The following CPS1 variants were observed in gnomAD, a reference collection of about 807,000 sequenced individuals.
The protein encoded by CPS1 is carbamoyl-phosphate synthase [ammonia], mitochondrial.
A neutral mutation model predicts 174.6 loss-of-function variants in CPS1; 109 were observed. The observed-to-expected ratio is 0.62, with a 90% CI of 0.53 to 0.73. CPS1 has a LOEUF of 0.73. Among genes scored for constraint, CPS1 ranks in the 30% least tolerant of loss-of-function variants. CPS1 has a pLI of 0.00. For synonymous variants in CPS1, 637 were observed against 632.0 expected (o/e 1.01, Z -0.12); for missense variants, 1,689 against 1,821.9 (o/e 0.93, Z 1.33).
At chr2:210,552,064 T>G (rs1313345261), upstream of CPS1, among the ~76,000 whole-genome samples, 1 of 151,920 alleles carries the variant, frequency 6.6e-6, no homozygotes, top group East Asian at 1.9e-4. Flanking sequence ...GTGTTCCTTG[T>G]TATGATACTA....
At chr2:210,601,520 C>A (rs1259909217) in intron 15 of CPS1, among the ~76,000 whole-genome samples, 1 of 151,924 alleles carries the variant, frequency 6.6e-6, no homozygotes, top group Non-Finnish European at 1.5e-5. Context: ...CTCTGCTGCA[C>A]AATTTGGGAA....
chr2:210,593,543 T>C (rs1004115630), intron 11 of CPS1: 8 of 985,788 alleles, frequency 8.1e-6, no homozygotes, highest in Non-Finnish European at 8.4e-6. Flanking sequence ...TAGTTCATTG[T>C]TCAAACCCAT....
At chr2:210,517,538 A>C (rs1695714333) in intron 1 of CPS1, among the ~76,000 whole-genome samples, 1 of 151,980 alleles carries the variant, frequency 6.6e-6, no homozygotes, top group Non-Finnish European at 1.5e-5. Context: ...GAGGGAAATC[A>C]ATGTGGCTTT....
intron 1 of CPS1, among the ~76,000 whole-genome samples, chr2:210,536,018 C>T (rs1037314358): frequency 2.6e-5 from 4 of 151,974 alleles, no homozygotes; most frequent in Non-Finnish European, 5.9e-5. Flanking sequence ...AGATTACATC[C>T]AGATGCACTC....
intron 1 of CPS1, among the ~76,000 whole-genome samples, chr2:210,551,375 A>G (rs560970242): frequency 6.6e-6 from 1 of 152,132 alleles, no homozygotes; most frequent in South Asian, 2.1e-4. Flanking sequence ...GCAAATGTGT[A>G]TGCACATAAC....
chr2:210,593,182 G>T lies in CPS1; in HGVS notation c.1164+226G>T, dbSNP rs73073575. On this transcript the variant is annotated intron_variant, in intron 11 of 37. Transcript: ENST00000233072. ...GGAAAGCCCTTAAGAAACCCGAAGC[G>T]ATGGTATTTTTATTTAAACCCATTA... Among the ~76,000 whole-genome samples the T allele has an allele frequency of 0.015, 2,349 of 151,980 alleles. 62 individuals are homozygous for T. Among genetic ancestry groups the T allele is most frequent in the African/African-American group, 0.054 (2,236 of 41,474 alleles).
At chr2:210,660,294 G>C (rs1359495960) in intron 31 of CPS1, among the ~76,000 whole-genome samples, 191 bp from the exon 32 acceptor site, 1 of 152,142 alleles carries the variant, frequency 6.6e-6, no homozygotes, top group Non-Finnish European at 1.5e-5. Context: ...ATGAAAGAAA[G>C]TTAGAGTTCA....
At chr2:210,517,022 A>G (rs1386692288) in intron 1 of CPS1, among the ~76,000 whole-genome samples, 2 of 151,746 alleles carry the variant, frequency 1.3e-5, no homozygotes, top group Non-Finnish European at 1.5e-5. Context: ...ATATATGTCT[A>G]TTGGTGCTGA....
Position 210,637,669 on chromosome 2 carries a change from A to G in CPS1, c.2688-33A>G, listed in dbSNP as rs562121624. 6.3e-5 allele frequency: 102 copies of G among 1,612,886 alleles called. 1 individual carries two copies. In the South Asian group the frequency reaches 7.7e-4, roughly 12 times the overall value. On this transcript the variant is annotated intron_variant, in intron 21 of 37. Transcript: ENST00000233072. ...CACCGCTTTTTATTGTTTTTGGTCT[A>G]AACTTGAATCTCTCTTTTCTATTAA...
At chr2:210,569,511 G>A (rs554209491) in intron 1 of CPS1, among the ~76,000 whole-genome samples, 50 of 152,122 alleles carry the variant, frequency 3.3e-4, no homozygotes, top group South Asian at 1.2e-3. Context: ...GTATTTCCAC[G>A]TATTTCAGTG....
rs185758505 is a variant in CPS1 at position 210,605,253 on chromosome 2, A to G, written c.1981+7A>G. 6.2e-7 allele frequency: 1 copy of G among 1,611,738 alleles called. No homozygotes were observed. Among genetic ancestry groups the G allele is most frequent in the Admixed American group, 1.7e-5 (1 of 59,828 alleles). On this transcript the variant is annotated splice_region_variant and intron_variant, in intron 17 of 37. Coordinates refer to ENST00000233072, the MANE Select transcript of CPS1 (RefSeq NM_001875.5). ...GCCATGGGTGTTCACACAGGTAGGC[A>G]AAGTATCTTCAAGAACTATAGTAAT...
Position 210,592,093 on chromosome 2 carries a change from T to C in CPS1, c.1086+124T>C, listed in dbSNP as rs374226832. 13 of 1,093,408 alleles carry C rather than the reference T, an allele frequency of 1.2e-5. 1 individual carries two copies. In the African/African-American group the frequency reaches 1.3e-4, roughly 11 times the overall value. The allele number at this position is 1,093,408 out of a possible 1,614,324, so 67.7% of individuals were successfully genotyped here. On this transcript the variant is annotated intron_variant, in intron 10 of 37. Coordinates refer to ENST00000233072, the MANE Select transcript of CPS1 (RefSeq NM_001875.5). ...GTGATATTTTGATACATGCATATCA[T>C]ATGTAATGATCAAATCACACTAGGA...
intron 16 of CPS1, among the ~76,000 whole-genome samples, chr2:210,603,794 T>C (rs1698807268): frequency 6.6e-6 from 1 of 151,874 alleles, no homozygotes; most frequent in South Asian, 2.1e-4. Context: ...TTGAGAATAA[T>C]TAGTCATATC....
chr2:210,518,637 G>A (rs1695742574), intron 1 of CPS1, among the ~76,000 whole-genome samples: 1 of 152,056 alleles, frequency 6.6e-6, no homozygotes, highest in Non-Finnish European at 1.5e-5. Context: ...GTCTCATTCT[G>A]TGTAGCCTCA....
rs898282226 is a variant in CPS1 at position 210,485,072 on chromosome 2, C to CA, written c.3+7315dup. On this transcript the variant is annotated intron_variant, in intron 1 of 38. Transcript: ENST00000430249. ...TGAAACCCCGTCTCTACTAAAAATACAAAAAAAAATTAGCCGGGCATGGTG... is the reference window on the plus strand; with the variant it reads ...TGAAACCCCGTCTCTACTAAAAATACAAAAAAAAAATTAGCCGGGCATGGTG... Among the ~76,000 whole-genome samples the CA allele has an allele frequency of 9.4e-5, 14 of 148,652 alleles. 1 individual carries two copies. Among genetic ancestry groups the CA allele is most frequent in the Admixed American group, 4.0e-4 (6 of 14,998 alleles).
chr2:210,530,784 C>A (rs984916679), intron 1 of CPS1, among the ~76,000 whole-genome samples: 1 of 151,824 alleles, frequency 6.6e-6, no homozygotes, highest in Non-Finnish European at 1.5e-5. Flanking sequence ...CTAACCACCA[C>A]CTACTTCAGG....
chr2:210,481,115 G>A (rs762429520), intron 1 of CPS1, among the ~76,000 whole-genome samples: 1 of 152,110 alleles, frequency 6.6e-6, no homozygotes, highest in African/African-American at 2.4e-5. Context: ...CTATTATATG[G>A]AACACAGGTG....
intron 1 of CPS1, among the ~76,000 whole-genome samples, chr2:210,544,898 C>T (rs890787101): frequency 1.3e-5 from 2 of 151,894 alleles, no homozygotes; most frequent in African/African-American, 4.8e-5. Flanking sequence ...GTGCCTAGTA[C>T]ATTTTTTTTT....
intron 23 of CPS1, 36 bp downstream of exon 23, chr2:210,639,251 T>G: frequency 8.5e-6 from 12 of 1,417,170 alleles, no homozygotes; most frequent in African/African-American, 1.4e-5. Context: ...CAGAAAGCTC[T>G]AGATTTCATA....
Sources: gnomAD v4.1 joint callset for allele counts (sites outside exome capture counted in the v4.1 genomes callset) on GRCh38, gnomAD v4.1.1 for gene constraint, MANE v1.5 for transcripts, NCBI Gene and HGNC (gene_info 2026-07-23, HGNC 2026-07-21) for gene names.